CSMD2: variants seen among roughly 807,000 people sequenced by gnomAD.
CSMD2 encodes the protein CUB and sushi domain-containing protein 2.
Under a neutral mutation model 398.5 loss-of-function variants are expected in CSMD2, and 130 were observed. The observed-to-expected ratio is 0.33, with a 90% confidence interval of 0.28 to 0.38. CSMD2 has a LOEUF of 0.38. Ranked by LOEUF, CSMD2 falls within the 10% of genes least tolerant of loss-of-function variation. CSMD2 has a pLI of 1.00. For missense variants in CSMD2, 3,829 were observed against 4,764.9 expected, an observed-to-expected ratio of 0.80 and a Z score of 5.78; for synonymous variants, 1,828 against 1,908.5, an observed-to-expected ratio of 0.96 and a Z score of 1.10.
chr1:33,547,589 G>A (rs1009495121), intron 56 of CSMD2, among the ~76,000 whole-genome samples: 15 of 152,080 alleles, frequency 9.9e-5, no homozygotes, highest in Admixed American at 2.0e-4. Flanking sequence ...TCCTAGTCTC[G>A]ACTCAGACTG....
In CSMD2 at chr1:33,580,735, T is replaced by C; in HGVS notation, c.7387+18A>G. The C allele has an allele frequency of 6.2e-7, 1 of 1,613,958 alleles. No individual in the cohort carries two copies. The highest frequency in any genetic ancestry group is 8.5e-7 in the Non-Finnish European group (1 of 1,179,920). On this transcript the variant is annotated intron_variant, in intron 48 of 70. Coordinates refer to ENST00000373381, the MANE Select transcript of CSMD2 (RefSeq NM_001281956.2). ...ATGAGGAGAGGGCCTGTGGCTTATT[T>C]GTGTTTTTTTCACTCACCTGAATAG...
intron 2 of CSMD2, among the ~76,000 whole-genome samples, chr1:34,043,103 T>A (rs980981404): frequency 6.6e-6 from 1 of 152,108 alleles, no homozygotes; most frequent in Non-Finnish European, 1.5e-5. Flanking sequence ...TTTTTGTATT[T>A]TTAGTAGAGA....
intron 25 of CSMD2, 54 bp from the exon 26 acceptor site, chr1:33,663,146 G>C (rs1644194860): frequency 1.3e-6 from 2 of 1,503,380 alleles, no homozygotes; most frequent in Non-Finnish European, 1.8e-6. Flanking sequence ...CTTTCCAGGG[G>C]CTTCTGGTCA....
intron 5 of CSMD2, among the ~76,000 whole-genome samples, chr1:33,881,722 TC>T (rs1207376214): frequency 6.6e-6 from 1 of 152,236 alleles, no homozygotes; most frequent in Non-Finnish European, 1.5e-5. Flanking sequence ...TACTTGTTTT[TC>T]TGTGTGCAGA....
chr1:33,517,266 G>A (rs768058385), intron 70 of CSMD2, among the ~76,000 whole-genome samples: 25 of 152,196 alleles, frequency 1.6e-4, no homozygotes, highest in Non-Finnish European at 2.9e-5. Flanking sequence ...GGCCCTGCTG[G>A]AGACCTGTGG....
rs759051111 is a variant in CSMD2 at position 33,600,958 on chromosome 1, C to T, written c.6763G>A (p.Ala2255Thr). 8.7e-6 allele frequency: 14 copies of T among 1,614,028 alleles called. No individual in the cohort carries two copies. In the Admixed American group the frequency reaches 2.2e-4, roughly 25 times the overall value. Residue 2255 changes from alanine to threonine, a missense_variant, in exon 44 of 71, where the codon GCC becomes ACC. Ala to Thr is a moderately conservative substitution (Grantham distance 58). This residue lies in a region of CSMD2 where 723 missense variants were observed against 758.6 expected (regional missense o/e 0.95). Transcript: ENST00000373381. ...GATGAACTCTGCACTGTTTTCTTGG[C>T]CATGCTCCGGGTGAAGACGCCGAGC... ...PRLGVFTRSM[A>T]KKTVQSSSNQ...
In CSMD2 at chr1:34,048,068, C is replaced by T. The variant is rs370474502; in HGVS notation, c.405-15362G>A. 3.3e-5 allele frequency among the ~76,000 whole-genome samples: 5 copies of T among 152,352 alleles called. No individual in the cohort carries two copies. In the South Asian group the frequency reaches 6.2e-4, roughly 19 times the overall value. On this transcript the variant is annotated intron_variant, in intron 2 of 70. Coordinates refer to ENST00000373381, the MANE Select transcript of CSMD2 (RefSeq NM_001281956.2). ...TCTTCCATGACAGAGACTGAAGTATCCAGCACCACGTGTCAGGAGGTTGGC... is the reference window on the plus strand; with the variant it reads ...TCTTCCATGACAGAGACTGAAGTATTCAGCACCACGTGTCAGGAGGTTGGC...
intron 1 of CSMD2, among the ~76,000 whole-genome samples, chr1:34,090,291 C>A (rs922073277): frequency 6.6e-6 from 1 of 152,180 alleles, no homozygotes; most frequent in African/African-American, 2.4e-5. Flanking sequence ...TGTGGGACCA[C>A]ACTTTGAGCA....
chr1:33,794,979 T>C (rs1288554361), intron 10 of CSMD2, among the ~76,000 whole-genome samples: 1 of 151,548 alleles, frequency 6.6e-6, no homozygotes, highest in Non-Finnish European at 1.5e-5. Flanking sequence ...TGTGGACCTG[T>C]AGCAAGGTCT....
Position 33,557,832 on chromosome 1 carries a change from A to G in CSMD2, c.8645T>C (p.Val2882Ala). 1 of 1,536,086 alleles carries G rather than the reference A, an allele frequency of 6.5e-7. No individual in the cohort carries two copies. ...GAAGCCGTGGTTGCACCGGTAAGAC[A>G]CAGTGGTGCCGAAGCTGAACCTGTG... ...GPHRFSFGTT[V>A]SYRCNHGFYL... Residue 2882 changes from valine to alanine, a missense_variant, in exon 55 of 71, where the codon GTG (valine) becomes GCG (alanine). By Grantham distance (64) the Val-to-Ala change is moderately conservative. Coordinates refer to ENST00000373381, the MANE Select transcript of CSMD2 (RefSeq NM_001281956.2).
Position 33,584,954 on chromosome 1 carries a change from CAG to C in CSMD2, c.7052-1126_7052-1125del, listed in dbSNP as rs570842137. 5.9e-5 allele frequency among the ~76,000 whole-genome samples: 9 copies of C among 152,238 alleles called. No individual in the cohort carries two copies. The East Asian group carries it at 1.2e-3, about 20-fold the overall frequency. ...ATGAGTGGGAGGGAAGCTGCTGGTT[CAG>C]AGAGGCCCTTCCCCAGCACTGAGGA... On this transcript the variant is annotated intron_variant, in intron 46 of 70. Coordinates refer to ENST00000373381, the MANE Select transcript of CSMD2 (RefSeq NM_001281956.2).
chr1:33,940,893 T>G (rs74819422), intron 3 of CSMD2, among the ~76,000 whole-genome samples: 3,681 of 152,302 alleles, frequency 0.024, 137 homozygotes, highest in African/African-American at 0.081. Context: ...AAGTGTGGTC[T>G]TTTGTTATGT....
At chr1:33,810,530 T>A (rs1384076518) in intron 10 of CSMD2, among the ~76,000 whole-genome samples, 3 of 152,162 alleles carry the variant, frequency 2.0e-5, no homozygotes, top group Admixed American at 2.0e-4. Flanking sequence ...GAACGATGGC[T>A]GCACAGGTGT....
At chr1:33,759,542 G>T (rs908021230) in intron 13 of CSMD2, among the ~76,000 whole-genome samples, 4 of 151,998 alleles carry the variant, frequency 2.6e-5, no homozygotes, top group Admixed American at 1.3e-4. Flanking sequence ...AGCCAGGATG[G>T]TCTCGATCTC....
intron 26 of CSMD2, among the ~76,000 whole-genome samples, chr1:33,661,667 T>C (rs1644138400): frequency 6.6e-6 from 1 of 152,216 alleles, no homozygotes; most frequent in Non-Finnish European, 1.5e-5. Flanking sequence ...GAGTGTTAAA[T>C]GGACAAATTT....
chr1:33,740,205 C>G (rs1027528909), intron 14 of CSMD2, among the ~76,000 whole-genome samples: 1 of 152,160 alleles, frequency 6.6e-6, no homozygotes, highest in African/African-American at 2.4e-5. Flanking sequence ...GGAAGATACT[C>G]TTTCCTGCTC....
At chr1:34,124,676 C>T (rs368269224) in intron 1 of CSMD2, among the ~76,000 whole-genome samples, 8 of 152,310 alleles carry the variant, frequency 5.3e-5, no homozygotes, top group African/African-American at 1.7e-4. Context: ...GGCATCCCAA[C>T]TTATCATTCC....
In CSMD2 at chr1:33,884,042, G is replaced by A. The variant is rs374586955; in HGVS notation, c.920+34052C>T. On this transcript the variant is annotated intron_variant, in intron 5 of 70. Coordinates refer to ENST00000373381, the MANE Select transcript of CSMD2 (RefSeq NM_001281956.2). ...CCATGACCATAGCAGACACACAGTGGACACACAGTGGAATTCCCAGGGCTT... is the reference window on the plus strand; with the variant it reads ...CCATGACCATAGCAGACACACAGTGAACACACAGTGGAATTCCCAGGGCTT... Among the ~76,000 whole-genome samples the A allele has an allele frequency of 2.0e-4, 30 of 152,176 alleles. No individual in the cohort carries two copies. The South Asian group carries it at 6.0e-3, about 31-fold the overall frequency.
At chr1:34,032,085 C>T (rs908815747) in intron 3 of CSMD2, among the ~76,000 whole-genome samples, 6 of 152,034 alleles carry the variant, frequency 3.9e-5, no homozygotes, top group African/African-American at 1.2e-4. Context: ...GAGAGAAGTA[C>T]AAATTATTTG....
Sources: allele counts gnomAD v4.1 joint callset (sites outside exome capture counted in the v4.1 genomes callset), GRCh38; gene constraint gnomAD v4.1.1; regional missense constraint gnomAD v4.1.1; transcripts MANE v1.5; gene names NCBI Gene and HGNC (gene_info 2026-07-23, HGNC 2026-07-21).